The following LIAS variants were observed in gnomAD, a reference collection of about 807,000 sequenced individuals.
LIAS encodes the protein lipoic acid synthetase.
In LIAS, 36 loss-of-function variants were observed where a neutral mutation model predicts 49.4. The observed-to-expected ratio is 0.73, with a 90% confidence interval of 0.56 to 0.96. The LOEUF is 0.96. Among genes scored for constraint, LIAS ranks in the 40% least tolerant of loss-of-function variants. The pLI is 0.00. For synonymous variants in LIAS, 145 were observed against 155.8 expected, an observed-to-expected ratio of 0.93 and a Z score of 0.52; for missense variants, 399 against 456.3, an observed-to-expected ratio of 0.87 and a Z score of 1.14.
intron 2 of LIAS, among the ~76,000 whole-genome samples, chr4:39,461,417 G>A (rs946647341): frequency 3.3e-5 from 5 of 152,172 alleles, no homozygotes; most frequent in African/African-American, 4.8e-5. Flanking sequence ...ACAAGTGGAT[G>A]GAAGTCATGG....
intron 10 of LIAS, chr4:39,473,478 A>G (rs1202327209): frequency 3.7e-6 from 1 of 272,144 alleles, no homozygotes; most frequent in Admixed American, 5.1e-5. Context: ...CAATTAGTTT[A>G]TTAATTTTTT....
intron 7 of LIAS, 32 bp downstream of exon 7, chr4:39,467,678 T>G: frequency 6.8e-7 from 1 of 1,479,854 alleles, no homozygotes; most frequent in Non-Finnish European, 9.1e-7. Flanking sequence ...TGTTGGGAAG[T>G]TAGGCGGGTC....
In LIAS at chr4:39,462,283, C is replaced by A. The variant is rs61731032; in HGVS notation, c.306C>A (p.Leu102=). 0.031 allele frequency: 46,851 copies of A among 1,515,042 alleles called. 1,045 individuals are homozygous for A. The highest frequency in any genetic ancestry group is 0.1 in the East Asian group (4,006 of 39,594). 93.8% of individuals were successfully genotyped at this position (1,515,042 alleles called of 1,614,324 possible). A position where few individuals can be genotyped will look rare whatever the true frequency, so the allele number is the denominator to read the frequency against. The change falls in exon 3 of 11, where the codon CTC becomes CTA. Residue 102 remains leucine (L), a synonymous_variant. Coordinates refer to ENST00000640888, the MANE Select transcript of LIAS (RefSeq NM_006859.4). The part of the protein sequence containing the change: ...KLKNTLRNLN[L]HTVCEEARCP... Reference sequence around the variant, plus strand: ...AAAATACTTTGCGGAATTTAAATCTCCATACAGTAAGTTGTCAAAGTGTAA... The same window carrying A: ...AAAATACTTTGCGGAATTTAAATCTACATACAGTAAGTTGTCAAAGTGTAA...
rs1744441771 is a variant in LIAS at position 39,460,779 on chromosome 4, T to G, written c.46-11T>G. The G allele has an allele frequency of 4.5e-6, 7 of 1,553,182 alleles. No homozygotes were observed. Among genetic ancestry groups the G allele is most frequent in the Non-Finnish European group, 6.1e-6 (7 of 1,153,324 alleles). ...CCACTAAATAAACGTCATAATTAAC[T>G]CTTTCTTTAGGTATTTGGGAGATAT... On this transcript the variant is annotated splice_polypyrimidine_tract_variant and intron_variant, in intron 1 of 10. Transcript: ENST00000640888.
At chr4:39,463,490 C>T in intron 3 of LIAS, 35 bp from the exon 4 acceptor site, 4 of 1,537,494 alleles carry the variant, frequency 2.6e-6, no homozygotes, top group Non-Finnish European at 3.5e-6. Context: ...TGGATATTGT[C>T]AACCTAATGG....
intron 9 of LIAS, among the ~76,000 whole-genome samples, chr4:39,471,734 C>T (rs948073505): frequency 1.3e-5 from 2 of 150,846 alleles, no homozygotes; most frequent in Non-Finnish European, 3.0e-5. Flanking sequence ...CCATGTTGCC[C>T]AGGCTGGTCT....
chr4:39,479,128 T>C lies in LIAS; in HGVS notation c.*2013T>C, dbSNP rs1377724948. ...GGGAGGCTGAGGCAGGAGAATCACT[T>C]GAACCTGACAGGCAGAGGTTGCAGT... On this transcript the variant is annotated 3_prime_UTR_variant, in exon 11 of 11. Transcript: ENST00000640888. 6.6e-6 allele frequency: 1 copy of C among 152,206 alleles called. No individual in the cohort carries two copies. The highest frequency in any genetic ancestry group is 1.5e-5 in the Non-Finnish European group (1 of 68,068). 9.4% of individuals were successfully genotyped at this position (152,206 alleles called of 1,614,324 possible). A position where few individuals can be genotyped will look rare whatever the true frequency, so the allele number is the denominator to read the frequency against.
chr4:39,462,787 C>G (rs1744574242), intron 3 of LIAS, among the ~76,000 whole-genome samples: 1 of 152,178 alleles, frequency 6.6e-6, no homozygotes, highest in Non-Finnish European at 1.5e-5. Context: ...GAGTTCAAGA[C>G]CAGCCTGGCC....
intron 10 of LIAS, among the ~76,000 whole-genome samples, chr4:39,474,422 GAC>G (rs1418785284): frequency 6.6e-6 from 1 of 151,702 alleles, no homozygotes; most frequent in Non-Finnish European, 1.5e-5. Context: ...GACAGAGCAA[GAC>G]ACTGTGTCTC....
At chr4:39,468,457 G>C (rs2109880254) in intron 7 of LIAS, 1 of 142,578 alleles carries the variant, frequency 7.0e-6, no homozygotes, top group African/African-American at 2.7e-5. Flanking sequence ...CTCCAGCTTG[G>C]GCAAAAAGAG....
Position 39,463,625 on chromosome 4 carries a change from C to G in LIAS, c.393+20C>G, listed in dbSNP as rs371235235. 2.6e-5 allele frequency: 41 copies of G among 1,605,494 alleles called. No individual in the cohort carries two copies. The highest frequency in any genetic ancestry group is 3.4e-5 in the Non-Finnish European group (40 of 1,174,496). On this transcript the variant is annotated intron_variant, in intron 4 of 10. Coordinates refer to ENST00000640888, the MANE Select transcript of LIAS (RefSeq NM_006859.4). ...ATCATGGTAGGGCCAGCCTCAACCTCTATGGCTTTAGTCTAGAAACTGAAA... is the reference window on the plus strand; with the variant it reads ...ATCATGGTAGGGCCAGCCTCAACCTGTATGGCTTTAGTCTAGAAACTGAAA...
Position 39,467,513 on chromosome 4 carries a change from C to A in LIAS, c.609-5C>A. 1 of 1,583,462 alleles carries A rather than the reference C, an allele frequency of 6.3e-7. No individual in the cohort carries two copies. ...CTGTTTGATAATTCTCTCTTTTCCC[C>A]TTAGGAATCCAAAAATCCTTGTGGA... On this transcript the variant is annotated splice_region_variant and splice_polypyrimidine_tract_variant and intron_variant, in intron 6 of 10. Coordinates refer to ENST00000640888, the MANE Select transcript of LIAS (RefSeq NM_006859.4).
intron 2 of LIAS, 58 bp downstream of exon 2, chr4:39,461,020 A>G (rs1043554517): frequency 2.2e-6 from 3 of 1,387,610 alleles, no homozygotes; most frequent in East Asian, 4.7e-5. Flanking sequence ...CATTATTTTC[A>G]GATATAACCA....
intron 2 of LIAS, 57 bp downstream of exon 2, chr4:39,461,019 C>A: frequency 1.4e-6 from 2 of 1,381,826 alleles, no homozygotes; most frequent in Non-Finnish European, 2.0e-6. Flanking sequence ...GCATTATTTT[C>A]AGATATAACC....
At chr4:39,460,724 T>G (rs1744439212) in intron 1 of LIAS, 66 bp from the exon 2 acceptor site, 11 of 1,374,968 alleles carry the variant, frequency 8.0e-6, no homozygotes, top group South Asian at 1.7e-5. Flanking sequence ...TTAGGTGTTA[T>G]GATGGGTTAA....
chr4:39,463,797 C>A, intron 4 of LIAS, 192 bp downstream of exon 4: 3 of 1,145,208 alleles, frequency 2.6e-6, no homozygotes, highest in South Asian at 3.0e-5. Context: ...CTGAATAAAT[C>A]TATTATTGGT....
intron 2 of LIAS, 67 bp downstream of exon 2, chr4:39,461,029 C>A: frequency 7.6e-7 from 1 of 1,323,744 alleles, no homozygotes; most frequent in Non-Finnish European, 1.0e-6. Context: ...CAGATATAAC[C>A]AAGCCCTAGA....
chr4:39,472,534 T>G (rs1578244464), intron 9 of LIAS, among the ~76,000 whole-genome samples: 2 of 152,254 alleles, frequency 1.3e-5, no homozygotes, highest in East Asian at 3.8e-4. Context: ...AAAAAGAATT[T>G]AAAAGTTGGG....
chr4:39,467,733 C>A, intron 7 of LIAS, 87 bp downstream of exon 7: 1 of 1,269,264 alleles, frequency 7.9e-7, no homozygotes, highest in Non-Finnish European at 1.0e-6. Context: ...TGAACTTTGC[C>A]ATTGACTTTT....
Sources: gnomAD v4.1 joint callset for allele counts (sites outside exome capture counted in the v4.1 genomes callset) on GRCh38, gnomAD v4.1.1 for gene constraint, MANE v1.5 for transcripts, NCBI Gene and HGNC (gene_info 2026-07-23, HGNC 2026-07-21) for gene names.